The following SPECC1 variants were observed in gnomAD, a reference collection of about 807,000 sequenced individuals.
SPECC1 encodes cytospin-B.
In SPECC1, 62 loss-of-function variants were observed where a neutral mutation model predicts 104.1. The ratio of observed to expected loss-of-function variants is 0.60; its 90% confidence interval spans 0.49 to 0.74. The LOEUF (loss-of-function observed/expected upper bound fraction) is 0.74, where lower values mean the gene tolerates loss of function less well. SPECC1 is among the 30% of genes least tolerant of loss of function. SPECC1 has a pLI of 0.00. For missense variants in SPECC1, 1,306 were observed against 1,310.5 expected, an observed-to-expected ratio of 1.00 and a Z score of 0.05; for synonymous variants, 513 against 501.6, an observed-to-expected ratio of 1.02 and a Z score of -0.30.
intron 3 of SPECC1, among the ~76,000 whole-genome samples, chr17:20,119,521 C>G (rs1044995420): frequency 2.0e-5 from 3 of 152,274 alleles, no homozygotes; most frequent in African/African-American, 7.2e-5. Context: ...CGTGAGCCAC[C>G]ACACCCAGCC....
intron 3 of SPECC1, among the ~76,000 whole-genome samples, chr17:20,123,949 A>G (rs1425130515): frequency 1.3e-5 from 2 of 152,224 alleles, no homozygotes; most frequent in African/African-American, 4.8e-5. Flanking sequence ...GGATATAAAT[A>G]TTGGTACCAG....
At chr17:20,105,272 AT>A (rs1206515940) in intron 2 of SPECC1, among the ~76,000 whole-genome samples, 1 of 152,152 alleles carries the variant, frequency 6.6e-6, no homozygotes, top group Non-Finnish European at 1.5e-5. Flanking sequence ...AAAAAAGATT[AT>A]TTGTAGAAAT....
Position 20,205,242 on chromosome 17 carries a change from T to A in SPECC1, c.1193T>A (p.Leu398Ter). The A allele has an allele frequency of 6.2e-7, 1 of 1,614,028 alleles. No individual in the cohort carries two copies. The highest frequency in any genetic ancestry group is 8.5e-7 in the Non-Finnish European group (1 of 1,180,022). ...AEELQATLQE[L>*]SDQQQMVQEL... is the part of the protein sequence containing the mutation. ...GAACTACAGGCTACTCTACAAGAAT[T>A]ATCAGACCAGCAACAAATGGTACAG... The change falls in exon 4 of 15, where the codon TTA becomes TAA. Residue 398 changes from leucine (L) to a stop codon, truncating the protein, a stop_gained. Transcript: ENST00000395527. LOFTEE classifies it high-confidence loss of function.
Position 20,086,766 on chromosome 17 carries a change from G to A in SPECC1, c.-21-9865G>A, listed in dbSNP as rs115921116. The stretch of plus-strand genomic sequence containing the variant: ...CCCTTTTTTGCGTCTGTGCTCAGCA[G>A]TGCGGGGGAAGAGGGTTTGTCCCCT... On this transcript the variant is annotated intron_variant, in intron 1 of 14. Transcript: ENST00000395527. 4.7e-3 allele frequency among the ~76,000 whole-genome samples: 719 copies of A among 152,286 alleles called. 6 individuals carry two copies. Among genetic ancestry groups the A allele is most frequent in the African/African-American group, 0.016 (684 of 41,556 alleles).
intron 3 of SPECC1, among the ~76,000 whole-genome samples, chr17:20,176,536 G>A (rs2034486832): frequency 6.6e-6 from 1 of 152,166 alleles, no homozygotes; most frequent in Non-Finnish European, 1.5e-5. Flanking sequence ...CAAAAACAAT[G>A]CAGAATTATT....
intron 3 of SPECC1, among the ~76,000 whole-genome samples, chr17:20,117,699 G>A (rs1285891758): frequency 2.4e-5 from 3 of 123,674 alleles, no homozygotes; most frequent in African/African-American, 9.6e-5. Flanking sequence ...TGGGATGATT[G>A]TCTCAAAAAA....
At chr17:20,010,556 G>T (rs552648813) in intron 1 of SPECC1, among the ~76,000 whole-genome samples, 1 of 152,364 alleles carries the variant, frequency 6.6e-6, no homozygotes, top group East Asian at 1.9e-4. Flanking sequence ...CAAGCGAGTT[G>T]AATTTGGTAG....
chr17:20,162,450 CA>C (rs1424080322), intron 3 of SPECC1, among the ~76,000 whole-genome samples: 1 of 152,114 alleles, frequency 6.6e-6, no homozygotes, highest in Non-Finnish European at 1.5e-5. Flanking sequence ...CCGGCCCAGG[CA>C]AATAATTTTT....
At chr17:20,256,220 C>G (rs1456391752) in intron 10 of SPECC1, among the ~76,000 whole-genome samples, 1 of 152,150 alleles carries the variant, frequency 6.6e-6, no homozygotes, top group African/African-American at 2.4e-5. Context: ...GAACTTGAGA[C>G]CACAATAGCT....
In SPECC1 at chr17:20,194,502, A is replaced by ATTATTTTTTTTTTTTTTTTT; in HGVS notation, c.284-9829_284-9828insATTTTTTTTTTTTTTTTTTT. On this transcript the variant is annotated intron_variant, in intron 3 of 14. Coordinates refer to ENST00000395527, the MANE Select transcript of SPECC1 (RefSeq NM_001243439.2). ...TGTGTTCTGTTAGAAAAGAGAACGA[A>ATTATTTTTTTTTTTTTTTTT]TTTTTTTTTTTTTTTTTTTTTTTGA... Among the ~76,000 whole-genome samples, 579 of 86,514 alleles carry ATTATTTTTTTTTTTTTTTTT rather than the reference A, an allele frequency of 6.7e-3. 111 individuals carry two copies. The highest frequency in any genetic ancestry group is 0.021 in the Middle Eastern group (3 of 140). 56.8% of individuals were successfully genotyped at this position (86,514 alleles called of 152,430 possible). A position where few individuals can be genotyped will look rare whatever the true frequency, so the allele number is the denominator to read the frequency against.
intron 3 of SPECC1, among the ~76,000 whole-genome samples, chr17:20,180,112 A>AT (rs1466766698): frequency 6.6e-6 from 1 of 152,236 alleles, no homozygotes; most frequent in Non-Finnish European, 1.5e-5. Flanking sequence ...GTAGTAAAAC[A>AT]TAGTATTCCC....
intron 3 of SPECC1, among the ~76,000 whole-genome samples, chr17:20,138,842 T>C (rs2030376450): frequency 6.6e-6 from 1 of 152,208 alleles, no homozygotes; most frequent in African/African-American, 2.4e-5. Flanking sequence ...CTCGTGAAGC[T>C]TTGCTTTAAG....
chr17:20,292,589 G>T (rs2041208660), intron 12 of SPECC1, among the ~76,000 whole-genome samples: 1 of 152,124 alleles, frequency 6.6e-6, no homozygotes, highest in South Asian at 2.1e-4. Context: ...CTCAGCCTCT[G>T]TAACCTACAA....
chr17:20,124,202 T>C (rs759243178), intron 3 of SPECC1, among the ~76,000 whole-genome samples: 2 of 151,872 alleles, frequency 1.3e-5, no homozygotes, highest in African/African-American at 2.4e-5. Context: ...GGTCCTGCTG[T>C]GTGAACTGCA....
intron 1 of SPECC1, among the ~76,000 whole-genome samples, chr17:20,089,478 AT>A (rs767225696): frequency 1.5e-4 from 22 of 151,332 alleles, no homozygotes; most frequent in Non-Finnish European, 2.7e-4. Flanking sequence ...AAAAAAAAAA[AT>A]TAGCCAGGCG....
In SPECC1 at chr17:20,268,280, A is replaced by G. The variant is rs112886870; in HGVS notation, c.2940+7986A>G. 3.0e-4 allele frequency among the ~76,000 whole-genome samples: 45 copies of G among 152,230 alleles called. 2 individuals are homozygous for G. Among genetic ancestry groups the G allele is most frequent in the African/African-American group, 1.1e-3 (44 of 41,536 alleles). On this transcript the variant is annotated intron_variant, in intron 12 of 14. Transcript: ENST00000395527. ...TTTTAACCTGTTAGCTCAGACCTATATCTTCTTCTCTTTTGGAGAAAAAAA... is the reference window on the plus strand; with the variant it reads ...TTTTAACCTGTTAGCTCAGACCTATGTCTTCTTCTCTTTTGGAGAAAAAAA...
chr17:20,168,515 C>T (rs2033839672), intron 3 of SPECC1, among the ~76,000 whole-genome samples: 1 of 152,142 alleles, frequency 6.6e-6, no homozygotes, highest in Admixed American at 6.5e-5. Flanking sequence ...CTAAAAACAT[C>T]CCCATAAAGG....
intron 1 of SPECC1, among the ~76,000 whole-genome samples, chr17:20,090,472 A>G (rs949758585): frequency 1.3e-5 from 2 of 152,172 alleles, no homozygotes; most frequent in African/African-American, 2.4e-5. Flanking sequence ...GCCCGGAGCC[A>G]GGACTTGATA....
At chr17:20,305,891 G>T (rs187479740) in intron 13 of SPECC1, 132 bp from the exon 14 acceptor site, 10 of 682,678 alleles carry the variant, frequency 1.5e-5, no homozygotes, top group African/African-American at 3.7e-5. Flanking sequence ...ATCAAATATT[G>T]TACACTTGAC....
Sources: gnomAD v4.1 joint callset for allele counts (sites outside exome capture counted in the v4.1 genomes callset) on GRCh38, gnomAD v4.1.1 for gene constraint, MANE v1.5 for transcripts, NCBI Gene and HGNC (gene_info 2026-07-23, HGNC 2026-07-21) for gene names.